IPO11: variants seen among roughly 807,000 people sequenced by gnomAD.
The protein encoded by IPO11 is importin-11.
A neutral mutation model predicts 143.2 loss-of-function variants in IPO11; 66 were observed. That is an observed-to-expected ratio of 0.46 (90% CI 0.38 to 0.57). IPO11 has a LOEUF of 0.57. Ranked by LOEUF, IPO11 falls within the 20% of genes least tolerant of loss-of-function variation. IPO11 has a pLI of 0.00. For synonymous variants in IPO11, 385 were observed against 377.8 expected, an observed-to-expected ratio of 1.02 and a Z score of -0.22; for missense variants, 1,026 against 1,141.0, an observed-to-expected ratio of 0.90 and a Z score of 1.45.
intron 27 of IPO11, chr5:62,579,343 A>C: frequency 9.0e-7 from 1 of 1,108,672 alleles, no homozygotes; most frequent in Non-Finnish European, 1.3e-6. Context: ...TAGTATTATA[A>C]AAAAAATTCA....
At chr5:62,460,850 C>T (rs1745332586) in intron 5 of IPO11, among the ~76,000 whole-genome samples, 1 of 152,112 alleles carries the variant, frequency 6.6e-6, no homozygotes, top group African/African-American at 2.4e-5. Context: ...TTTTATTTCT[C>T]CTACTTGGTT....
intron 27 of IPO11, among the ~76,000 whole-genome samples, chr5:62,586,574 A>G (rs565156997): frequency 1.3e-5 from 2 of 151,814 alleles, no homozygotes; most frequent in Admixed American, 1.3e-4. Context: ...GGACATGAAG[A>G]AACCCCATCT....
intron 27 of IPO11, among the ~76,000 whole-genome samples, chr5:62,583,948 G>A (rs1040697709): frequency 6.6e-6 from 1 of 151,984 alleles, no homozygotes; most frequent in African/African-American, 2.4e-5. Flanking sequence ...CCAAAAATAG[G>A]CTCTAATTTA....
intron 1 of IPO11, among the ~76,000 whole-genome samples, chr5:62,420,934 A>T (rs751294785): frequency 2.0e-5 from 3 of 152,282 alleles, no homozygotes; most frequent in Admixed American, 6.5e-5. Context: ...TATATACTCA[A>T]TTTCATTAGA....
At chr5:62,603,869 A>G (rs1470905867) in intron 29 of IPO11, among the ~76,000 whole-genome samples, 1 of 152,210 alleles carries the variant, frequency 6.6e-6, no homozygotes, top group Non-Finnish European at 1.5e-5. Context: ...ACTGCATATG[A>G]TAGTGGTCCG....
At chr5:62,437,518 T>G (rs1744283348) in intron 2 of IPO11, 101 bp downstream of exon 2, 2 of 1,036,308 alleles carry the variant, frequency 1.9e-6, no homozygotes, top group East Asian at 5.4e-5. Flanking sequence ...TGAAATAGAT[T>G]CAGATGTTTG....
At chr5:62,459,394 A>G (rs1745279033) in intron 5 of IPO11, among the ~76,000 whole-genome samples, 1 of 151,952 alleles carries the variant, frequency 6.6e-6, no homozygotes, top group Non-Finnish European at 1.5e-5. Context: ...TCTCAAAAAT[A>G]AATAAATAAA....
At chr5:62,485,850 TAAA>T (rs781614647) in intron 12 of IPO11, among the ~76,000 whole-genome samples, 2 of 126,568 alleles carry the variant, frequency 1.6e-5, no homozygotes, top group African/African-American at 2.9e-5. Context: ...ACCCGTCTCT[TAAA>T]AAAAAAAAAA....
chr5:62,485,150 A>G (rs1244675033), intron 11 of IPO11, among the ~76,000 whole-genome samples: 1 of 152,156 alleles, frequency 6.6e-6, no homozygotes, highest in Non-Finnish European at 1.5e-5. Flanking sequence ...TGGAAATGAC[A>G]ACTACTTTGA....
chr5:62,502,880 A>G (rs548173190), intron 16 of IPO11, among the ~76,000 whole-genome samples: 4 of 151,440 alleles, frequency 2.6e-5, no homozygotes, highest in Admixed American at 2.6e-4. Flanking sequence ...GCTGGAGTGC[A>G]GTGGCACAAT....
At chr5:62,440,978 A>T (rs577986300) in intron 2 of IPO11, among the ~76,000 whole-genome samples, 2 of 152,054 alleles carry the variant, frequency 1.3e-5, no homozygotes, top group African/African-American at 4.8e-5. Flanking sequence ...AAAAAAACTT[A>T]CAAATGTTTT....
Position 62,467,207 on chromosome 5 carries a change from C to T in IPO11, c.593C>T (p.Ser198Phe). The T allele has an allele frequency of 6.2e-7, 1 of 1,613,998 alleles. No individual in the cohort carries two copies. The highest frequency in any genetic ancestry group is 8.5e-7 in the Non-Finnish European group (1 of 1,179,938). Residue 198 changes from serine to phenylalanine, a missense_variant, in exon 6 of 30, where the codon TCT becomes TTT. Physicochemically the swap from Ser to Phe is radical, Grantham distance 155. Coordinates refer to ENST00000325324, the MANE Select transcript of IPO11 (RefSeq NM_016338.5). ...GACACATTCCTGCAAGAAGTTTCTT[C>T]TGGCAATGAAGCTGCAATTTTGAGT... Reference protein sequence around the residue: ...HTDTFLQEVSSGNEAAILSSL... With the variant: ...HTDTFLQEVSFGNEAAILSSL...
chr5:62,467,663 A>T (rs10055264), intron 6 of IPO11, among the ~76,000 whole-genome samples: 81 of 152,208 alleles, frequency 5.3e-4, no homozygotes, highest in Middle Eastern at 3.4e-3. Context: ...CTTTCCCTGG[A>T]AAGGCAAGCC....
chr5:62,495,117 C>T (rs1486105146), intron 16 of IPO11, among the ~76,000 whole-genome samples: 1 of 152,122 alleles, frequency 6.6e-6, no homozygotes, highest in Non-Finnish European at 1.5e-5. Flanking sequence ...GGATTTTCTA[C>T]CTAAGTATTA....
chr5:62,440,247 C>T (rs1324904431), intron 2 of IPO11, among the ~76,000 whole-genome samples: 7 of 150,864 alleles, frequency 4.6e-5, no homozygotes, highest in South Asian at 2.1e-4. Context: ...GCCAGTGGTT[C>T]GAAGGAATAA....
chr5:62,551,547 A>G lies in IPO11; in HGVS notation c.2460+211A>G, dbSNP rs866789965. The stretch of plus-strand genomic sequence containing the variant: ...TTATACATTTTTGTCCTCGCTCAAA[A>G]TAGGTGATTTTATTCTGCTTAGCCT... On this transcript the variant is annotated intron_variant, in intron 26 of 29. Coordinates refer to ENST00000325324, the MANE Select transcript of IPO11 (RefSeq NM_016338.5). Among the ~76,000 whole-genome samples the G allele has an allele frequency of 1.1e-4, 16 of 152,294 alleles. 1 individual carries two copies. The Middle Eastern group carries it at 0.014, about 130-fold the overall frequency.
chr5:62,586,768 A>ATATATATATATATATATAT (rs1554057002), intron 27 of IPO11, among the ~76,000 whole-genome samples: 1 of 28,910 alleles, frequency 3.5e-5, no homozygotes, highest in African/African-American at 1.3e-4. Context: ...AAAAAAAAAA[A>ATATATATATATATATATAT]ATATATATAT....
chr5:62,483,281 A>C lies in IPO11; in HGVS notation c.1009A>C (p.Lys337Gln), dbSNP rs775215733. 200 of 1,549,028 alleles carry C rather than the reference A, an allele frequency of 1.3e-4. No individual in the cohort carries two copies. The highest frequency in any genetic ancestry group is 1.7e-4 in the Non-Finnish European group (192 of 1,144,792). Residue 337 changes from lysine (K) to glutamine (Q), a missense_variant, in exon 10 of 30, where the codon AAA (lysine) becomes CAA (glutamine). Lys to Gln is a moderately conservative substitution (Grantham distance 53). This residue lies in a region of IPO11 where 429 missense variants were observed against 456.3 expected (regional missense o/e 0.94). Coordinates refer to ENST00000325324, the MANE Select transcript of IPO11 (RefSeq NM_016338.5). ...CAAAAATTATGCTTATAAGCCATCC[A>C]AAAATTTTGAAGGTAATTCCTTTAT... Reference protein sequence around the residue: ...IVKNYAYKPSKNFEDSSPETL... With the variant: ...IVKNYAYKPSQNFEDSSPETL...
At chr5:62,441,496 CTTTTTTTTT>C (rs995019567) in intron 2 of IPO11, among the ~76,000 whole-genome samples, 166 of 47,336 alleles carry the variant, frequency 3.5e-3, no homozygotes, top group African/African-American at 0.014. Context: ...TGTGCCTGGC[CTTTTTTTTT>C]TTTTTTTTTT....
Sources: allele counts gnomAD v4.1 joint callset (sites outside exome capture counted in the v4.1 genomes callset), GRCh38; gene constraint gnomAD v4.1.1; regional missense constraint gnomAD v4.1.1; transcripts MANE v1.5; gene names NCBI Gene and HGNC (gene_info 2026-07-23, HGNC 2026-07-21).